ABCA2: variants seen among roughly 807,000 people sequenced by gnomAD.
ABCA2 encodes the protein ATP-binding cassette sub-family A member 2.
ABCA2 carries 84 observed loss-of-function variants against 262.8 expected under a neutral mutation model. The observed-to-expected ratio is 0.32, with a 90% CI of 0.27 to 0.38. The LOEUF is 0.38. ABCA2 is among the 10% of genes least tolerant of loss of function. ABCA2 has a pLI of 1.00. For missense variants in ABCA2, 2,662 were observed against 3,405.9 expected, an observed-to-expected ratio of 0.78 and a Z score of 5.44; for synonymous variants, 1,696 against 1,502.9, an observed-to-expected ratio of 1.13 and a Z score of -2.97.
rs565014949 is a variant in ABCA2 at position 137,015,033 on chromosome 9, C to A, written c.3762G>T (p.Val1254=). The change falls in exon 25 of 49, where the codon GTG becomes GTT. Residue 1254 remains valine, a synonymous_variant. Transcript: ENST00000341511. The part of the protein sequence containing the change: ...APLSSCSELQ[V]SQFIRKHVAS... Reference sequence around the variant, plus strand: ...CCACATGCTTGCGGATGAACTGGGACACCTGGAGCTCGGAGCAGCTGCTCA... The same window carrying A: ...CCACATGCTTGCGGATGAACTGGGAAACCTGGAGCTCGGAGCAGCTGCTCA... 17 of 1,607,784 alleles carry A rather than the reference C, an allele frequency of 1.1e-5. No individual in the cohort carries two copies. The East Asian group carries it at 3.4e-4, about 32-fold the overall frequency.
Position 137,012,166 on chromosome 9 carries a change from C to T in ABCA2, c.5300-4G>A. 6.2e-7 allele frequency: 1 copy of T among 1,611,992 alleles called. No individual in the cohort carries two copies. Among genetic ancestry groups the T allele is most frequent in the Non-Finnish European group, 8.5e-7 (1 of 1,179,766 alleles). The stretch of plus-strand genomic sequence containing the variant: ...GGGTGGTTGGTGACGGTGATGCCTG[C>T]ACACGGCGGGGCGGGGGCGGCAGCT... On this transcript the variant is annotated splice_region_variant and splice_polypyrimidine_tract_variant and intron_variant, in intron 33 of 48. Coordinates refer to ENST00000341511, the MANE Select transcript of ABCA2 (RefSeq NM_001606.5).
At chr9:137,026,748 C>G (rs1023910133) in intron 1 of ABCA2, among the ~76,000 whole-genome samples, 11 of 152,210 alleles carry the variant, frequency 7.2e-5, no homozygotes, top group African/African-American at 1.7e-4. Flanking sequence ...CCTCTGCTCC[C>G]AAGCCCAGTG....
At position 137,012,938 on chromosome 9, in the gene ABCA2, C is replaced by A. The variant is rs368591787; in HGVS notation, c.4868-13G>T. ...GACGTCCACATTTCTGTGGGCACAG[C>A]ATGGTGCGGTGAGAAGGACCCCTCA... is the stretch of plus-strand genomic sequence containing the variant. On this transcript the variant is annotated splice_polypyrimidine_tract_variant and intron_variant, in intron 30 of 48. Coordinates refer to ENST00000341511, the MANE Select transcript of ABCA2 (RefSeq NM_001606.5). 3.3e-6 allele frequency: 5 copies of A among 1,497,794 alleles called. No homozygotes were observed. The highest frequency in any genetic ancestry group is 3.6e-6 in the Non-Finnish European group (4 of 1,121,762). The allele number at this position is 1,497,794 out of a possible 1,614,324, so 92.8% of individuals were successfully genotyped here. A position where few individuals can be genotyped will look rare whatever the true frequency, so the allele number is the denominator to read the frequency against.
At chr9:137,026,695 T>A (rs1831663702) in intron 1 of ABCA2, among the ~76,000 whole-genome samples, 2 of 152,128 alleles carry the variant, frequency 1.3e-5, no homozygotes, top group African/African-American at 4.8e-5. Context: ...CACACTCCCT[T>A]CCCTGAGCAT....
intron 2 of ABCA2, 55 bp from the exon 3 acceptor site, chr9:137,023,895 G>T (rs1309772678): frequency 1.3e-5 from 14 of 1,038,018 alleles, no homozygotes; most frequent in East Asian, 2.4e-5. Context: ...GATCAAAACA[G>T]AACAGAGGAG....
chr9:137,020,277 C>T, intron 10 of ABCA2, 59 bp downstream of exon 10: 2 of 1,600,538 alleles, frequency 1.2e-6, no homozygotes, highest in Non-Finnish European at 1.7e-6. Context: ...GGGTCCCAGG[C>T]CTGCAGAGAC....
In ABCA2 at chr9:137,015,568, G is replaced by A; in HGVS notation, c.3543C>T (p.His1181=). ...PGRTILLSTH[H]MDEADLLGDR... ...CCCCAAGCAGGTCAGCCTCATCCAT[G>A]TGGTGGGTGGACAGAAGGATGGTGC... is the stretch of plus-strand genomic sequence containing the variant. Residue 1181 remains histidine (H), a synonymous_variant, in exon 24 of 49, where the codon CAC becomes CAT. Coordinates refer to ENST00000341511, the MANE Select transcript of ABCA2 (RefSeq NM_001606.5). The A allele has an allele frequency of 1.2e-6, 2 of 1,612,568 alleles. No individual in the cohort carries two copies. The highest frequency in any genetic ancestry group is 1.1e-5 in the South Asian group (1 of 91,084).
Position 137,013,192 on chromosome 9 carries a change from C to A in ABCA2, c.4677G>T (p.Leu1559=). The change falls in exon 30 of 49, where the codon CTG becomes CTT. Residue 1559 remains leucine (L), a synonymous_variant. Coordinates refer to ENST00000341511, the MANE Select transcript of ABCA2 (RefSeq NM_001606.5). ...ANGSLGPTLN[L]SSGESRLLAA... is the part of the protein sequence containing the mutation. Reference sequence around the variant, plus strand: ...CCAGCAGGCGCGACTCCCCGCTGCTCAGGTTCAACGTGGGCCCCAGCGAGC... The same window carrying A: ...CCAGCAGGCGCGACTCCCCGCTGCTAAGGTTCAACGTGGGCCCCAGCGAGC... The A allele has an allele frequency of 6.2e-7, 1 of 1,602,030 alleles. No individual in the cohort carries two copies. Among genetic ancestry groups the A allele is most frequent in the Non-Finnish European group, 8.5e-7 (1 of 1,176,318 alleles).
Position 137,011,165 on chromosome 9 carries a change from C to A in ABCA2, c.5923+21G>T. 6.2e-7 allele frequency: 1 copy of A among 1,612,436 alleles called. No individual in the cohort carries two copies. Among genetic ancestry groups the A allele is most frequent in the Non-Finnish European group, 8.5e-7 (1 of 1,179,778 alleles). On this transcript the variant is annotated intron_variant, in intron 38 of 48. Coordinates refer to ENST00000341511, the MANE Select transcript of ABCA2 (RefSeq NM_001606.5). The surrounding 1 kb of genome is among the most constrained non-coding windows in gnomAD (Gnocchi z 8.8). ...CCTTGCGGGGCCCCCACCGCCTTCC[C>A]CGCCCCACGGGCCCCCTCACCAATC...
Position 137,012,985 on chromosome 9 carries a change from G to T in ABCA2, c.4867+17C>A, listed in dbSNP as rs1401983758. ...CTCACTGCCCCTGCCCCCCCAGCAG[G>T]CCCCCTGAACCACTACCTGGCCCAG... is the stretch of plus-strand genomic sequence containing the variant. On this transcript the variant is annotated intron_variant, in intron 30 of 48. Coordinates refer to ENST00000341511, the MANE Select transcript of ABCA2 (RefSeq NM_001606.5). 3 of 1,481,798 alleles carry T rather than the reference G, an allele frequency of 2.0e-6. No homozygotes were observed. Among genetic ancestry groups the T allele is most frequent in the Admixed American group, 2.2e-5 (1 of 45,642 alleles). 91.8% of individuals were successfully genotyped at this position (1,481,798 alleles called of 1,614,324 possible).
intron 29 of ABCA2, 59 bp downstream of exon 29, chr9:137,013,402 G>A (rs13296885): frequency 3.2e-6 from 5 of 1,545,778 alleles, no homozygotes; most frequent in Non-Finnish European, 3.5e-6. Flanking sequence ...GCCCACCAAG[G>A]CTGTCCCCGC....
rs755092974 is a variant in ABCA2 at position 137,017,762 on chromosome 9, C to T, written c.2211+25G>A. Reference sequence around the variant, plus strand: ...CGCCCCTCCCTGCCAGCCCGCGCCTCCAGGGAGAGTCCCGGCCCGCGCACC... The same window carrying T: ...CGCCCCTCCCTGCCAGCCCGCGCCTTCAGGGAGAGTCCCGGCCCGCGCACC... On this transcript the variant is annotated intron_variant, in intron 16 of 48. Coordinates refer to ENST00000341511, the MANE Select transcript of ABCA2 (RefSeq NM_001606.5). 1.9e-6 allele frequency: 3 copies of T among 1,611,366 alleles called. No homozygotes were observed. The East Asian group carries it at 6.7e-5, about 36-fold the overall frequency.
At position 137,014,977 on chromosome 9, in the gene ABCA2, G is replaced by A. The variant is rs763958882; in HGVS notation, c.3818C>T (p.Thr1273Met). The change falls in exon 25 of 49, where the codon ACG (threonine) becomes ATG (methionine). Residue 1273 changes from threonine (T) to methionine (M), a missense_variant. Transcript: ENST00000341511. Reference sequence around the variant, plus strand: ...GCTGGGCAGGATGTAGGAGAGCTCCGTGCTTGTGTCTGAGACCAGCAGGCA... The same window carrying A: ...GCTGGGCAGGATGTAGGAGAGCTCCATGCTTGTGTCTGAGACCAGCAGGCA... The part of the protein sequence containing the change: ...ASCLLVSDTS[T>M]ELSYILPSEA... 1.6e-5 allele frequency: 26 copies of A among 1,582,860 alleles called. No individual in the cohort carries two copies. Among genetic ancestry groups the A allele is most frequent in the Middle Eastern group, 1.7e-4 (1 of 5,914 alleles).
In ABCA2 at chr9:137,016,466, TCTC is replaced by T. The variant is rs1831263201; in HGVS notation, c.2926_2928del (p.Glu976del). 6.2e-7 allele frequency: 1 copy of T among 1,612,546 alleles called. No homozygotes were observed. Among genetic ancestry groups the T allele is most frequent in the South Asian group, 1.1e-5 (1 of 91,092 alleles). ...GTGGGCTCCTCCTCCATGCCACGGG[TCTC>T]CTCTGCACCAGGGCTGTGGATCAGC... is the stretch of plus-strand genomic sequence containing the variant. On this transcript the variant is annotated inframe_deletion and splice_region_variant, in exon 21 of 49. Transcript: ENST00000341511.
In ABCA2 at chr9:137,016,163, G is replaced by C. The variant is rs1266802224; in HGVS notation, c.3116C>G (p.Thr1039Ser). The change falls in exon 22 of 49, where the codon ACC (threonine) becomes AGC (serine). Residue 1039 changes from threonine (T) to serine (S), a missense_variant. Around this residue, in one of 12 missense-constraint regions of ABCA2, gnomAD observed 180 missense variants for 307.3 expected, o/e 0.59. Coordinates refer to ENST00000341511, the MANE Select transcript of ABCA2 (RefSeq NM_001606.5). Reference sequence around the variant, plus strand: ...ACCCGACGTTGGAGGGAACAGGCCGGTCAGGATGGACCTGGGTAGGTGGGC... The same window carrying C: ...ACCCGACGTTGGAGGGAACAGGCCGCTCAGGATGGACCTGGGTAGGTGGGC... ...AGKTTTMSIL[T>S]GLFPPTSGSA... 6.2e-7 allele frequency: 1 copy of C among 1,612,698 alleles called. No individual in the cohort carries two copies.
rs761626234 is a variant in ABCA2 at position 137,015,875 on chromosome 9, G to A, written c.3318-4C>T. Reference sequence around the variant, plus strand: ...GAGCTCCAGGTCCTCGATCATCCTGGGACAGGGAGGTGGGGCATGGGGCTG... The same window carrying A: ...GAGCTCCAGGTCCTCGATCATCCTGAGACAGGGAGGTGGGGCATGGGGCTG... On this transcript the variant is annotated splice_region_variant and splice_polypyrimidine_tract_variant and intron_variant, in intron 22 of 48. Coordinates refer to ENST00000341511, the MANE Select transcript of ABCA2 (RefSeq NM_001606.5). 6.2e-7 allele frequency: 1 copy of A among 1,608,524 alleles called. No homozygotes were observed. The highest frequency in any genetic ancestry group is 1.1e-5 in the South Asian group (1 of 90,980).
At position 137,019,075 on chromosome 9, in the gene ABCA2, G is replaced by C; in HGVS notation, c.1555-5C>G. 1 of 1,606,506 alleles carries C rather than the reference G, an allele frequency of 6.2e-7. No individual in the cohort carries two copies. ...CAGCCGCAGCTCTGCTACATACTTG[G>C]GGTGGAGGGGCGGCTCAGAGGGGGA... On this transcript the variant is annotated splice_region_variant and splice_polypyrimidine_tract_variant and intron_variant, in intron 11 of 48. Coordinates refer to ENST00000341511, the MANE Select transcript of ABCA2 (RefSeq NM_001606.5). The surrounding 1 kb of genome is among the most constrained non-coding windows in gnomAD (Gnocchi z 4.4).
chr9:137,017,914 C>A lies in ABCA2; in HGVS notation c.2097-13G>T, dbSNP rs139373312. On this transcript the variant is annotated splice_polypyrimidine_tract_variant and intron_variant, in intron 15 of 48. Transcript: ENST00000341511. ...GACAAACAGGAAGCTGCGGGGAGGC[C>A]GCGCTCAGGCGCCACTCAGCCCCAG... The A allele has an allele frequency of 1.2e-6, 2 of 1,612,196 alleles. No individual in the cohort carries two copies. The highest frequency in any genetic ancestry group is 2.2e-5 in the East Asian group (1 of 44,856).
Position 137,020,716 on chromosome 9 carries a change from G to C in ABCA2, c.1243C>G (p.Pro415Ala). 6.2e-7 allele frequency: 1 copy of C among 1,600,928 alleles called. No homozygotes were observed. Among genetic ancestry groups the C allele is most frequent in the Non-Finnish European group, 8.5e-7 (1 of 1,179,438 alleles). The change falls in exon 9 of 49, where the codon CCC (proline) becomes GCC (alanine). Residue 415 changes from proline to alanine, a missense_variant. Physicochemically the swap from Pro to Ala is conservative, Grantham distance 27 (BLOSUM62 -1). Transcript: ENST00000341511. Reference protein sequence around the residue: ...AFVQLWAGLQPILCGNNRTIE... With the variant: ...AFVQLWAGLQAILCGNNRTIE... ...TACCGGTTGTTGCCACACAAGATGGGCTGCAGGCCGGCCCAGAGCTGTACG... is the reference window on the plus strand; with the variant it reads ...TACCGGTTGTTGCCACACAAGATGGCCTGCAGGCCGGCCCAGAGCTGTACG...
Sources: allele counts gnomAD v4.1 joint callset (sites outside exome capture counted in the v4.1 genomes callset), GRCh38; gene constraint gnomAD v4.1.1; regional missense constraint gnomAD v4.1.1; non-coding constraint Gnocchi (gnomAD v3.1); transcripts MANE v1.5; gene names NCBI Gene and HGNC (gene_info 2026-07-23, HGNC 2026-07-21).